Variants in LYPLA2 observed in about 807,000 individuals in gnomAD.
LYPLA2 encodes acyl-protein thioesterase 2.
Under a neutral mutation model 30.3 loss-of-function variants are expected in LYPLA2, and 7 were observed. That is an observed-to-expected ratio of 0.23 (90% confidence interval 0.13 to 0.43). LYPLA2 has a LOEUF of 0.43. LYPLA2 is among the 20% of genes least tolerant of loss of function. LYPLA2 has a pLI of 1.00. For synonymous variants in LYPLA2, 112 were observed against 118.2 expected, an observed-to-expected ratio of 0.95 and a Z score of 0.34; for missense variants, 206 against 307.9, an observed-to-expected ratio of 0.67 and a Z score of 2.48.
Position 23,793,783 on chromosome 1 carries a change from A to T in LYPLA2, c.224+31A>T, listed in dbSNP as rs1570622987. On this transcript the variant is annotated intron_variant, in intron 5 of 9. Coordinates refer to ENST00000374514, the MANE Select transcript of LYPLA2 (RefSeq NM_007260.3). The surrounding 1 kb of genome is among the most constrained non-coding windows in gnomAD (Gnocchi z 6.0). The stretch of plus-strand genomic sequence containing the variant: ...TTTGGGAGTGGGGGTGGGCAGGGGG[A>T]CGAGGACACTTGGGCTGAGGGAGCC... 2.5e-6 allele frequency: 4 copies of T among 1,613,076 alleles called. No individual in the cohort carries two copies. The highest frequency in any genetic ancestry group is 3.4e-6 in the Non-Finnish European group (4 of 1,179,322).
In LYPLA2 at chr1:23,794,479, T is replaced by A. The variant is rs1249784294; in HGVS notation, c.524T>A (p.Leu175Gln). 6.2e-7 allele frequency: 1 copy of A among 1,614,072 alleles called. No homozygotes were observed. The highest frequency in any genetic ancestry group is 1.7e-5 in the Admixed American group (1 of 60,010). ...GCCATACTCCAGTGCCATGGGGAGC[T>A]GGACCCCATGGTGCCCGTACGGTTT... The part of the protein sequence containing the change: ...DLAILQCHGE[L>Q]DPMVPVRFGA... The change falls in exon 9 of 10, where the codon CTG becomes CAG. Residue 175 changes from leucine to glutamine, a missense_variant. Coordinates refer to ENST00000374514, the MANE Select transcript of LYPLA2 (RefSeq NM_007260.3). The surrounding 1 kb of genome is among the most constrained non-coding windows in gnomAD (Gnocchi z 5.9).
Position 23,794,161 on chromosome 1 carries a change from A to AG in LYPLA2, c.369+30dup. 1 of 190,342 alleles carries AG rather than the reference A, an allele frequency of 5.3e-6. No homozygotes were observed. The highest frequency in any genetic ancestry group is 1.0e-5 in the Non-Finnish European group (1 of 97,496). The allele number at this position is 190,342 out of a possible 1,614,324, so 11.8% of individuals were successfully genotyped here. A position where few individuals can be genotyped will look rare whatever the true frequency, so the allele number is the denominator to read the frequency against. ...GGTGAGGGGAGAGGGGTGGGGGGGT[A>AG]GGGGGTAGGGGTGGCCGGTGAGTGA... On this transcript the variant is annotated intron_variant, in intron 7 of 9. Coordinates refer to ENST00000374514, the MANE Select transcript of LYPLA2 (RefSeq NM_007260.3). This position sits in a 1 kb window ranked among gnomAD's most constrained non-coding sequence, Gnocchi z 5.9.
rs369248220 is a variant in LYPLA2 at position 23,793,050 on chromosome 1, G to C, written c.110+11G>C. Reference sequence around the variant, plus strand: ...ACTTGGAGACACAGGGTAAGTGACTGAGGAGGGGTGCTCCTTAAGGAGGGG... The same window carrying C: ...ACTTGGAGACACAGGGTAAGTGACTCAGGAGGGGTGCTCCTTAAGGAGGGG... On this transcript the variant is annotated intron_variant, in intron 3 of 9. Coordinates refer to ENST00000374514, the MANE Select transcript of LYPLA2 (RefSeq NM_007260.3). The surrounding 1 kb of genome is among the most constrained non-coding windows in gnomAD (Gnocchi z 6.0). The C allele has an allele frequency of 1.7e-5, 27 of 1,613,584 alleles. No individual in the cohort carries two copies. The African/African-American group carries it at 3.3e-4, about 20-fold the overall frequency.
In LYPLA2 at chr1:23,793,913, A is replaced by G. The variant is rs1638856904; in HGVS notation, c.278A>G (p.Lys93Arg). The G allele has an allele frequency of 6.2e-7, 1 of 1,613,814 alleles. No homozygotes were observed. Among genetic ancestry groups the G allele is most frequent in the Admixed American group, 1.7e-5 (1 of 59,984 alleles). ...GCCCCAGAGGACGAGGCTGGCATCA[A>G]GAAGGCAGCAGAGAACAGTAAGACC... is the stretch of plus-strand genomic sequence containing the variant. ...PDAPEDEAGIKKAAENIKALI... is the reference protein window; with the variant it reads ...PDAPEDEAGIRKAAENIKALI... The change falls in exon 6 of 10, where the codon AAG becomes AGG. Residue 93 changes from lysine to arginine, a missense_variant. Lys to Arg is a conservative substitution (Grantham distance 26). Coordinates refer to ENST00000374514, the MANE Select transcript of LYPLA2 (RefSeq NM_007260.3). This position sits in a 1 kb window ranked among gnomAD's most constrained non-coding sequence, Gnocchi z 6.0.
chr1:23,793,973 C>T lies in LYPLA2; in HGVS notation c.295+43C>T, dbSNP rs772107582. On this transcript the variant is annotated intron_variant, in intron 6 of 9. Coordinates refer to ENST00000374514, the MANE Select transcript of LYPLA2 (RefSeq NM_007260.3). The surrounding 1 kb of genome is among the most constrained non-coding windows in gnomAD (Gnocchi z 6.0). ...CCTCCACATCCTCCTTCCCCTGCCC[C>T]CCAGGAAAGCGCTGGGCGGTTCCTC... is the stretch of plus-strand genomic sequence containing the variant. 3.8e-6 allele frequency: 6 copies of T among 1,598,506 alleles called. No individual in the cohort carries two copies. Among genetic ancestry groups the T allele is most frequent in the South Asian group, 3.3e-5 (3 of 90,772 alleles).
chr1:23,792,988 C>T lies in LYPLA2; in HGVS notation c.79-20C>T. 1 of 1,609,910 alleles carries T rather than the reference C, an allele frequency of 6.2e-7. No homozygotes were observed. Among genetic ancestry groups the T allele is most frequent in the Non-Finnish European group, 8.5e-7 (1 of 1,177,578 alleles). On this transcript the variant is annotated intron_variant, in intron 2 of 9. Transcript: ENST00000374514. ...CCTAGGGGAAGCCTTCCTGTCTCCC[C>T]ATTTCCCATCCTTTTCCAGGTTATT...
At position 23,794,651 on chromosome 1, in the gene LYPLA2, G is replaced by A. The variant is rs1638889712; in HGVS notation, c.646-31G>A. 4 of 1,614,152 alleles carry A rather than the reference G, an allele frequency of 2.5e-6. No homozygotes were observed. The highest frequency in any genetic ancestry group is 3.4e-6 in the Non-Finnish European group (4 of 1,179,990). ...CCCACTTCTCTGCCTCCAGCCAGGT[G>A]CCTCTCGTGATCCCCTCTTAATCCC... is the stretch of plus-strand genomic sequence containing the variant. On this transcript the variant is annotated intron_variant, in intron 9 of 9. Transcript: ENST00000374514. This position sits in a 1 kb window ranked among gnomAD's most constrained non-coding sequence, Gnocchi z 5.9.
rs1638889440 is a variant in LYPLA2 at position 23,794,644 on chromosome 1, G to T, written c.646-38G>T. ...TCCCACTCCCACTTCTCTGCCTCCAGCCAGGTGCCTCTCGTGATCCCCTCT... is the reference window on the plus strand; with the variant it reads ...TCCCACTCCCACTTCTCTGCCTCCATCCAGGTGCCTCTCGTGATCCCCTCT... On this transcript the variant is annotated intron_variant, in intron 9 of 9. Transcript: ENST00000374514. This position sits in a 1 kb window ranked among gnomAD's most constrained non-coding sequence, Gnocchi z 5.9. 7.4e-6 allele frequency: 12 copies of T among 1,614,022 alleles called. No individual in the cohort carries two copies. The highest frequency in any genetic ancestry group is 1.3e-5 in the African/African-American group (1 of 74,912).
In LYPLA2 at chr1:23,794,776, CAGCA is replaced by C. The variant is rs768743441; in HGVS notation, c.*52_*55del. ...GCAGTACCCCAGCTCATGGGGGACT[CAGCA>C]AGCAAGCGTGGCACCATCTTGGATC... On this transcript the variant is annotated 3_prime_UTR_variant, in exon 10 of 10. Transcript: ENST00000374514. This position sits in a 1 kb window ranked among gnomAD's most constrained non-coding sequence, Gnocchi z 5.9. 6.2e-7 allele frequency: 1 copy of C among 1,607,128 alleles called. No individual in the cohort carries two copies. The highest frequency in any genetic ancestry group is 8.5e-7 in the Non-Finnish European group (1 of 1,174,226).
rs750800872 is a variant in LYPLA2 at position 23,792,644 on chromosome 1, C to T, written c.-26-13C>T. On this transcript the variant is annotated splice_polypyrimidine_tract_variant and intron_variant, in intron 1 of 9. Coordinates refer to ENST00000374514, the MANE Select transcript of LYPLA2 (RefSeq NM_007260.3). ...CCTGGTTTTGCTCTTGACCGCCGCC[C>T]CGATGTATGCAGGCCCCCGCCGTGG... 1.1e-5 allele frequency: 17 copies of T among 1,588,250 alleles called. No individual in the cohort carries two copies. The highest frequency in any genetic ancestry group is 1.4e-5 in the Non-Finnish European group (16 of 1,159,414).
chr1:23,792,653 G>T lies in LYPLA2; in HGVS notation c.-26-4G>T, dbSNP rs781468925. 1.2e-5 allele frequency: 20 copies of T among 1,606,268 alleles called. No individual in the cohort carries two copies. The South Asian group carries it at 2.1e-4, about 17-fold the overall frequency. On this transcript the variant is annotated splice_polypyrimidine_tract_variant and splice_region_variant and intron_variant, in intron 1 of 9. Transcript: ENST00000374514. ...GCTCTTGACCGCCGCCCCGATGTATGCAGGCCCCCGCCGTGGAGCCGTGTG... is the reference window on the plus strand; with the variant it reads ...GCTCTTGACCGCCGCCCCGATGTATTCAGGCCCCCGCCGTGGAGCCGTGTG...
At position 23,792,660 on chromosome 1, in the gene LYPLA2, C is replaced by A; in HGVS notation, c.-23C>A. On this transcript the variant is annotated 5_prime_UTR_variant, in exon 2 of 10. Transcript: ENST00000374514. ...ACCGCCGCCCCGATGTATGCAGGCC[C>A]CCGCCGTGGAGCCGTGTGGTGTATG... The A allele has an allele frequency of 6.2e-7, 1 of 1,609,684 alleles. No homozygotes were observed. Among genetic ancestry groups the A allele is most frequent in the East Asian group, 2.2e-5 (1 of 44,878 alleles).
At position 23,794,024 on chromosome 1, in the gene LYPLA2, T is replaced by G; in HGVS notation, c.296-39T>G. On this transcript the variant is annotated intron_variant, in intron 6 of 9. Coordinates refer to ENST00000374514, the MANE Select transcript of LYPLA2 (RefSeq NM_007260.3). This position sits in a 1 kb window ranked among gnomAD's most constrained non-coding sequence, Gnocchi z 5.9. ...AGCCTAGCTCCCTTATTGGGCCCCTTGGCAGCTTCCCTCTACCCACTCATG... is the reference window on the plus strand; with the variant it reads ...AGCCTAGCTCCCTTATTGGGCCCCTGGGCAGCTTCCCTCTACCCACTCATG... 2 of 1,603,084 alleles carry G rather than the reference T, an allele frequency of 1.2e-6. No homozygotes were observed. The highest frequency in any genetic ancestry group is 1.7e-6 in the Non-Finnish European group (2 of 1,170,004).
chr1:23,794,629 A>G lies in LYPLA2; in HGVS notation c.645+29A>G, dbSNP rs1463256258. On this transcript the variant is annotated intron_variant, in intron 9 of 9. Coordinates refer to ENST00000374514, the MANE Select transcript of LYPLA2 (RefSeq NM_007260.3). This position sits in a 1 kb window ranked among gnomAD's most constrained non-coding sequence, Gnocchi z 5.9. ...AGTGGGGGGACCATTTCCCACTCCCACTTCTCTGCCTCCAGCCAGGTGCCT... is the reference window on the plus strand; with the variant it reads ...AGTGGGGGGACCATTTCCCACTCCCGCTTCTCTGCCTCCAGCCAGGTGCCT... 1.2e-6 allele frequency: 2 copies of G among 1,613,764 alleles called. No homozygotes were observed. Among genetic ancestry groups the G allele is most frequent in the East Asian group, 4.5e-5 (2 of 44,886 alleles).
intron 1 of LYPLA2, chr1:23,792,074 C>G (rs1638804886): frequency 6.8e-6 from 1 of 146,980 alleles, no homozygotes; most frequent in Non-Finnish European, 1.5e-5. Context: ...GGAGTTCTTA[C>G]GCTTTCTGGG....
At position 23,794,532 on chromosome 1, in the gene LYPLA2, T is replaced by G; in HGVS notation, c.577T>G (p.Ser193Ala). 3 of 1,613,938 alleles carry G rather than the reference T, an allele frequency of 1.9e-6. No homozygotes were observed. The highest frequency in any genetic ancestry group is 2.5e-6 in the Non-Finnish European group (3 of 1,179,960). The part of the protein sequence containing the change: ...FGALTAEKLR[S>A]VVTPARVQFK... ...GGCCCTGACGGCTGAGAAGCTCCGG[T>G]CTGTTGTCACACCTGCCAGGGTCCA... Residue 193 changes from serine to alanine, a missense_variant, in exon 9 of 10, where the codon TCT becomes GCT. Coordinates refer to ENST00000374514, the MANE Select transcript of LYPLA2 (RefSeq NM_007260.3). The surrounding 1 kb of genome is among the most constrained non-coding windows in gnomAD (Gnocchi z 5.9).
At position 23,793,826 on chromosome 1, in the gene LYPLA2, G is replaced by T; in HGVS notation, c.225-34G>T. ...AGGGAGCCACAGGGGGCTGGCTGGG[G>T]TTTTCTATAGCTGCCAGTGCCTCTA... is the stretch of plus-strand genomic sequence containing the variant. On this transcript the variant is annotated intron_variant, in intron 5 of 9. Transcript: ENST00000374514. This position sits in a 1 kb window ranked among gnomAD's most constrained non-coding sequence, Gnocchi z 6.0. The T allele has an allele frequency of 6.2e-7, 1 of 1,612,724 alleles. No individual in the cohort carries two copies. Among genetic ancestry groups the T allele is most frequent in the East Asian group, 2.2e-5 (1 of 44,876 alleles).
In LYPLA2 at chr1:23,793,690, G is replaced by A; in HGVS notation, c.177-15G>A. 6.2e-7 allele frequency: 1 copy of A among 1,613,838 alleles called. No individual in the cohort carries two copies. On this transcript the variant is annotated splice_polypyrimidine_tract_variant and intron_variant, in intron 4 of 9. Coordinates refer to ENST00000374514, the MANE Select transcript of LYPLA2 (RefSeq NM_007260.3). The surrounding 1 kb of genome is among the most constrained non-coding windows in gnomAD (Gnocchi z 6.0). The stretch of plus-strand genomic sequence containing the variant: ...CCTCCTGAGCATGATGGGCCCTCTG[G>A]CTCTCTTTCCCCAGGCCTAGGATCC...
Position 23,794,154 on chromosome 1 carries a change from G to T in LYPLA2, c.369+18G>T, listed in dbSNP as rs770672716. 8 of 1,412,162 alleles carry T rather than the reference G, an allele frequency of 5.7e-6. No homozygotes were observed. The highest frequency in any genetic ancestry group is 7.9e-6 in the Non-Finnish European group (8 of 1,010,704). 87.5% of individuals were successfully genotyped at this position (1,412,162 alleles called of 1,614,324 possible). A position where few individuals can be genotyped will look rare whatever the true frequency, so the allele number is the denominator to read the frequency against. On this transcript the variant is annotated intron_variant, in intron 7 of 9. Coordinates refer to ENST00000374514, the MANE Select transcript of LYPLA2 (RefSeq NM_007260.3). This position sits in a 1 kb window ranked among gnomAD's most constrained non-coding sequence, Gnocchi z 5.9. The stretch of plus-strand genomic sequence containing the variant: ...TTTCACAGGTGAGGGGAGAGGGGTG[G>T]GGGGGTAGGGGGTAGGGGTGGCCGG...
Sources: gnomAD v4.1 joint callset for allele counts on GRCh38, gnomAD v4.1.1 for gene constraint, Gnocchi (gnomAD v3.1) non-coding constraint, MANE v1.5 for transcripts, NCBI Gene and HGNC (gene_info 2026-07-23, HGNC 2026-07-21) for gene names.